The following FBXO38 variants were observed in gnomAD, a reference collection of about 807,000 sequenced individuals.
FBXO38 encodes F-box protein 38.
A neutral mutation model predicts 131.9 loss-of-function variants in FBXO38; 53 were observed. The observed-to-expected ratio is 0.40, with a 90% CI of 0.32 to 0.51. The LOEUF (loss-of-function observed/expected upper bound fraction) is 0.51. Among genes scored for constraint, FBXO38 ranks in the 20% least tolerant of loss-of-function variants. The pLI is 0.53. For synonymous variants in FBXO38, 452 were observed against 505.6 expected, an observed-to-expected ratio of 0.89 and a Z score of 1.42; for missense variants, 1,076 against 1,475.6, an observed-to-expected ratio of 0.73 and a Z score of 4.44.
intron 9 of FBXO38, among the ~76,000 whole-genome samples, chr5:148,412,388 C>T (rs957009092): frequency 1.3e-5 from 2 of 152,130 alleles, no homozygotes; most frequent in African/African-American, 4.8e-5. Context: ...AGATTTGAAG[C>T]ATCTCTCCAA....
intron 3 of FBXO38, among the ~76,000 whole-genome samples, chr5:148,400,646 A>G (rs934889518): frequency 6.6e-6 from 1 of 152,120 alleles, no homozygotes; most frequent in African/African-American, 2.4e-5. Flanking sequence ...CCTTTATATA[A>G]TAGTACTTTA....
At chr5:148,433,349 G>T in intron 15 of FBXO38, 75 bp from the exon 16 acceptor site, 1 of 971,724 alleles carries the variant, frequency 1.0e-6, no homozygotes, top group Non-Finnish European at 1.6e-6. Context: ...ATGTTCATAC[G>T]TATGTGATTG....
chr5:148,389,219 G>A (rs1211740337), intron 1 of FBXO38, among the ~76,000 whole-genome samples: 2 of 152,122 alleles, frequency 1.3e-5, no homozygotes, highest in Non-Finnish European at 2.9e-5. Context: ...ACTGATCATA[G>A]ATCACCGTAA....
chr5:148,416,925 G>A lies in FBXO38; in HGVS notation c.1408-69G>A. The A allele has an allele frequency of 2.4e-6, 2 of 843,722 alleles. 1 individual carries two copies. The highest frequency in any genetic ancestry group is 2.8e-5 in the South Asian group (2 of 71,300). The allele number at this position is 843,722 out of a possible 1,614,324, so 52.3% of individuals were successfully genotyped here. ...GTTATAATGTAAAGGTGAAATGAAG[G>A]GATATTAAAAATGAAGGGATATATA... On this transcript the variant is annotated intron_variant, in intron 11 of 21. Coordinates refer to ENST00000340253, the MANE Select transcript of FBXO38 (RefSeq NM_205836.3).
At chr5:148,441,015 C>A in intron 20 of FBXO38, 109 bp from the exon 21 acceptor site, 1 of 758,900 alleles carries the variant, frequency 1.3e-6, no homozygotes, top group East Asian at 2.5e-5. Flanking sequence ...TTGAGGACAC[C>A]TGACTCACTC....
At chr5:148,395,306 A>G (rs1758422081) in intron 2 of FBXO38, among the ~76,000 whole-genome samples, 1 of 152,104 alleles carries the variant, frequency 6.6e-6, no homozygotes, top group East Asian at 1.9e-4. Context: ...TCTGACTACA[A>G]CCCACAGTGA....
At chr5:148,441,038 A>C (rs1466018718) in intron 20 of FBXO38, 86 bp from the exon 21 acceptor site, 2 of 874,756 alleles carry the variant, frequency 2.3e-6, no homozygotes, top group Non-Finnish European at 3.9e-6. Context: ...TTTATTTTAT[A>C]TTTTACATTC....
chr5:148,427,415 C>T lies in FBXO38; in HGVS notation c.2121C>T (p.Thr707=). 3 of 1,614,168 alleles carry T rather than the reference C, an allele frequency of 1.9e-6. No individual in the cohort carries two copies. Among genetic ancestry groups the T allele is most frequent in the Non-Finnish European group, 1.7e-6 (2 of 1,180,030 alleles). ...ATGTTTATCCCAGCTGCAGCAGCAC[C>T]ACCGCCAGCACAGTGGGAAACTCCA... The part of the protein sequence containing the change: ...NKDVYPSCSS[T]TASTVGNSSS... Residue 707 remains threonine, a synonymous_variant, in exon 15 of 22, where the codon ACC becomes ACT. Transcript: ENST00000340253.
chr5:148,407,312 G>A (rs1752494674), intron 7 of FBXO38, among the ~76,000 whole-genome samples: 1 of 152,150 alleles, frequency 6.6e-6, no homozygotes, highest in Non-Finnish European at 1.5e-5. Context: ...AGCTGAGTTT[G>A]TATAAAGGTC....
At chr5:148,413,853 T>G in intron 9 of FBXO38, 1 of 275,340 alleles carries the variant, frequency 3.6e-6, no homozygotes, top group East Asian at 6.5e-5. Context: ...ATCCTTCACT[T>G]ATGCTTTAAG....
intron 9 of FBXO38, among the ~76,000 whole-genome samples, chr5:148,412,908 A>G (rs1232418723): frequency 6.6e-6 from 1 of 152,060 alleles, no homozygotes; most frequent in African/African-American, 2.4e-5. Flanking sequence ...TATCATCAGG[A>G]TTTTGAAAGG....
At chr5:148,435,498 G>A (rs371037384) in intron 17 of FBXO38, among the ~76,000 whole-genome samples, 5 of 152,268 alleles carry the variant, frequency 3.3e-5, no homozygotes, top group East Asian at 1.9e-4. Context: ...GTGGCCGGGC[G>A]CAGTGCTTTA....
intron 20 of FBXO38, among the ~76,000 whole-genome samples, chr5:148,440,851 A>G (rs1017468827): frequency 2.0e-5 from 3 of 152,332 alleles, no homozygotes; most frequent in African/African-American, 7.2e-5. Flanking sequence ...CAGTTCTTCA[A>G]AATATGGATG....
chr5:148,407,209 A>T (rs539922318), intron 7 of FBXO38, among the ~76,000 whole-genome samples: 1 of 152,378 alleles, frequency 6.6e-6, no homozygotes, highest in African/African-American at 2.4e-5. Context: ...CAGTATTTTG[A>T]TTGATGGCGA....
chr5:148,412,855 C>T (rs1022515323), intron 9 of FBXO38, among the ~76,000 whole-genome samples: 3 of 152,136 alleles, frequency 2.0e-5, no homozygotes, highest in Admixed American at 6.6e-5. Context: ...ACCTTTAGCT[C>T]ACCTGTGGGC....
chr5:148,416,026 C>G lies in FBXO38; in HGVS notation c.1363C>G (p.Leu455Val), dbSNP rs776006698. The G allele has an allele frequency of 3.7e-6, 6 of 1,612,362 alleles. No individual in the cohort carries two copies. The highest frequency in any genetic ancestry group is 4.5e-5 in the East Asian group (2 of 44,802). The change falls in exon 11 of 22, where the codon CTA becomes GTA. Residue 455 changes from leucine to valine, a missense_variant. By Grantham distance (32) the Leu-to-Val change is conservative. Transcript: ENST00000340253. ...CCAGTTTATTGAATTATTACCCAGC[C>G]TAGAGTTTATTTCACTGGATCAGAT... Reference protein sequence around the residue: ...FGQFIELLPSLEFISLDQMFR... With the variant: ...FGQFIELLPSVEFISLDQMFR...
At chr5:148,440,325 T>G (rs1227058921) in intron 19 of FBXO38, 99 bp from the exon 20 acceptor site, 41 of 725,240 alleles carry the variant, frequency 5.7e-5, no homozygotes, top group Non-Finnish European at 4.9e-6. Flanking sequence ...AGATGTTCGG[T>G]AGAATCTGTG....
chr5:148,406,050 A>G (rs1252213102), intron 6 of FBXO38, among the ~76,000 whole-genome samples: 3 of 152,238 alleles, frequency 2.0e-5, no homozygotes, highest in Admixed American at 6.5e-5. Context: ...ACATATCTCT[A>G]CAGTGTTACT....
At chr5:148,434,228 A>T (rs1192912978) in intron 17 of FBXO38, 1 of 131,230 alleles carries the variant, frequency 7.6e-6, no homozygotes, top group Non-Finnish European at 1.7e-5. Flanking sequence ...TGTTAATCTC[A>T]TCTGCTCCCA....
Sources: gnomAD v4.1 joint callset for allele counts (sites outside exome capture counted in the v4.1 genomes callset) on GRCh38, gnomAD v4.1.1 for gene constraint, MANE v1.5 for transcripts, NCBI Gene and HGNC (gene_info 2026-07-23, HGNC 2026-07-21) for gene names.